Variants in SEM1 observed in about 807,000 individuals in gnomAD.
The protein encoded by SEM1 is SEM1 26S proteasome subunit.
Under a neutral mutation model 12.7 loss-of-function variants are expected in SEM1, and 3 were observed. The observed-to-expected ratio is 0.24, with a 90% CI of 0.11 to 0.61. The LOEUF (loss-of-function observed/expected upper bound fraction) is 0.61. SEM1 is among the 20% of genes least tolerant of loss of function. The pLI is 0.88. For synonymous variants in SEM1, 30 were observed against 27.8 expected, an observed-to-expected ratio of 1.08 and a Z score of -0.25; for missense variants, 59 against 81.3, an observed-to-expected ratio of 0.73 and a Z score of 1.06.
intron 2 of SEM1, among the ~76,000 whole-genome samples, chr7:96,692,590 G>A (rs17167714): frequency 0.011 from 1,680 of 152,166 alleles, 23 homozygotes; most frequent in African/African-American, 0.038. Flanking sequence ...GAAAGGGCAT[G>A]AGCTTGTACA....
rs1803253278 is a variant in SEM1, at chr7:96,496,283, C to A, written c.12+1G>T. On this transcript the variant is annotated splice_donor_variant, in intron 1 of 3. Transcript: ENST00000356686. LOFTEE classifies it high-confidence loss of function. ...TTGATATAATCCATATCAGTTCCTA[C>A]CTGGCAATACATGTTCTTCCTTCAG... 6.6e-7 allele frequency: 1 copy of A among 1,516,164 alleles called. No homozygotes were observed. The allele number at this position is 1,516,164 out of a possible 1,614,324, so 93.9% of individuals were successfully genotyped here. A position where few individuals can be genotyped will look rare whatever the true frequency, so the allele number is the denominator to read the frequency against.
At chr7:96,494,421 G>T (rs1345118782) in intron 1 of SEM1, among the ~76,000 whole-genome samples, 1 of 151,204 alleles carries the variant, frequency 6.6e-6, no homozygotes, top group African/African-American at 2.4e-5. Flanking sequence ...TAGCTTTTTG[G>T]TCCAGTTAAT....
At chr7:96,550,841 C>T (rs547191868) in intron 2 of SEM1, among the ~76,000 whole-genome samples, 4 of 152,046 alleles carry the variant, frequency 2.6e-5, no homozygotes, top group East Asian at 3.9e-4. Context: ...TTGGCCTATG[C>T]GATCAAAAAG....
At chr7:96,492,266 C>G (rs937134449) in intron 1 of SEM1, among the ~76,000 whole-genome samples, 5 of 152,180 alleles carry the variant, frequency 3.3e-5, no homozygotes, top group Non-Finnish European at 1.5e-5. Context: ...TAAACTCCAT[C>G]TACTTCCTGT....
intron 2 of SEM1, among the ~76,000 whole-genome samples, chr7:96,642,669 T>C (rs920313954): frequency 1.3e-5 from 2 of 152,078 alleles, no homozygotes; most frequent in Non-Finnish European, 2.9e-5. Flanking sequence ...ATTCATCTAC[T>C]TGTATATCTG....
At chr7:96,515,148 G>A (rs114291152) in intron 2 of SEM1, among the ~76,000 whole-genome samples, 6,673 of 152,160 alleles carry the variant, frequency 0.044, 453 homozygotes, top group African/African-American at 0.15. Flanking sequence ...AGAAAATACA[G>A]TCTTTCAACA....
chr7:96,528,836 T>C (rs1804549422), intron 2 of SEM1, among the ~76,000 whole-genome samples: 1 of 152,108 alleles, frequency 6.6e-6, no homozygotes, highest in Non-Finnish European at 1.5e-5. Flanking sequence ...TCTCATCCTA[T>C]ACCCACCAGC....
At chr7:96,699,599 C>T (rs150553425) in intron 1 of SEM1, among the ~76,000 whole-genome samples, 22 of 152,328 alleles carry the variant, frequency 1.4e-4, no homozygotes, top group African/African-American at 3.8e-4. Context: ...TTATTTTTCA[C>T]TTCAAAGCAC....
chr7:96,677,653 A>C (rs577035923), intron 2 of SEM1, among the ~76,000 whole-genome samples: 2 of 152,276 alleles, frequency 1.3e-5, no homozygotes, highest in Admixed American at 1.3e-4. Context: ...TCAGAGCAGG[A>C]ACTATTCAGT....
intron 2 of SEM1, chr7:96,656,516 A>G (rs1809183150): frequency 6.6e-6 from 1 of 151,790 alleles, no homozygotes; most frequent in Admixed American, 6.6e-5. Context: ...GACCTGATTA[A>G]TTTTGCACTT....
At chr7:96,506,928 T>C (rs1803771655) in intron 2 of SEM1, among the ~76,000 whole-genome samples, 1 of 152,060 alleles carries the variant, frequency 6.6e-6, no homozygotes, top group South Asian at 2.1e-4. Context: ...ACTTAGAATA[T>C]GAACAGGAAA....
At chr7:96,553,134 T>C (rs928151586) in intron 2 of SEM1, among the ~76,000 whole-genome samples, 1 of 152,114 alleles carries the variant, frequency 6.6e-6, no homozygotes, top group South Asian at 2.1e-4. Context: ...TTTTCTCCTA[T>C]TTTGTAGGTT....
chr7:96,501,428 T>C (rs1054782903), intron 3 of SEM1, among the ~76,000 whole-genome samples: 2 of 151,088 alleles, frequency 1.3e-5, no homozygotes, highest in Non-Finnish European at 1.5e-5. Context: ...TAGTAGTATA[T>C]AGACCTTTCA....
intron 1 of SEM1, among the ~76,000 whole-genome samples, chr7:96,490,804 T>A (rs1802976551): frequency 6.6e-6 from 1 of 151,996 alleles, no homozygotes; most frequent in African/African-American, 2.4e-5. Context: ...AGGATCACAA[T>A]CAAAATTGTC....
intron 2 of SEM1, among the ~76,000 whole-genome samples, chr7:96,574,640 C>T (rs1345582065): frequency 1.3e-5 from 2 of 152,132 alleles, no homozygotes; most frequent in East Asian, 3.9e-4. Flanking sequence ...TCCCATATTT[C>T]TTGGAGGCTT....
intron 1 of SEM1, among the ~76,000 whole-genome samples, chr7:96,707,990 T>C (rs1790522904): frequency 6.6e-6 from 1 of 152,334 alleles, no homozygotes; most frequent in Non-Finnish European, 1.5e-5. Flanking sequence ...CAAGTTTTGT[T>C]TGTTTGTTTT....
intron 2 of SEM1, among the ~76,000 whole-genome samples, chr7:96,585,299 A>T (rs545961755): frequency 6.6e-6 from 1 of 152,226 alleles, no homozygotes; most frequent in African/African-American, 2.4e-5. Context: ...GGGGTCAGGG[A>T]CCCATTGAGG....
chr7:96,668,513 C>T (rs1328132793), downstream of SEM1, among the ~76,000 whole-genome samples: 4 of 152,044 alleles, frequency 2.6e-5, 1 homozygote, highest in Admixed American at 2.6e-4. Context: ...TAGATATATT[C>T]TAAAAAGGAC....
At chr7:96,536,748 G>C (rs1804798638) in intron 2 of SEM1, among the ~76,000 whole-genome samples, 1 of 151,556 alleles carries the variant, frequency 6.6e-6, no homozygotes, top group South Asian at 2.1e-4. Flanking sequence ...GCTTTCTTCT[G>C]ATCAGTTAAA....
Sources: gnomAD v4.1 joint callset for allele counts (sites outside exome capture counted in the v4.1 genomes callset) on GRCh38, gnomAD v4.1.1 for gene constraint, MANE v1.5 for transcripts, NCBI Gene and HGNC (gene_info 2026-07-23, HGNC 2026-07-21) for gene names.